The following ZNF131 variants were observed in gnomAD, a reference collection of about 807,000 sequenced individuals.
ZNF131 encodes zinc finger and BTB domain containing 35.
A neutral mutation model predicts 60.0 loss-of-function variants in ZNF131; 7 were observed. The observed-to-expected ratio is 0.12, with a 90% confidence interval of 0.07 to 0.22. The LOEUF (loss-of-function observed/expected upper bound fraction) is 0.22. ZNF131 is among the 10% of genes least tolerant of loss of function. The probability of loss-of-function intolerance (pLI) is 1.00; values close to 1 mark genes in which losing one functional copy is unlikely to be tolerated. For missense variants in ZNF131, 493 were observed against 740.9 expected, an observed-to-expected ratio of 0.67 and a Z score of 3.88; for synonymous variants, 257 against 253.2, an observed-to-expected ratio of 1.01 and a Z score of -0.14.
intron 4 of ZNF131, among the ~76,000 whole-genome samples, chr5:43,159,999 A>AC (rs1471009170): frequency 6.6e-6 from 1 of 151,884 alleles, no homozygotes; most frequent in Non-Finnish European, 1.5e-5. Context: ...ACACGGTGAA[A>AC]CCCCATCTCT....
At chr5:43,139,620 C>T (rs1746550399) in intron 4 of ZNF131, among the ~76,000 whole-genome samples, 2 of 152,014 alleles carry the variant, frequency 1.3e-5, no homozygotes, top group African/African-American at 4.8e-5. Flanking sequence ...TTGTTTATAC[C>T]AAGCCTTATC....
At chr5:43,149,341 G>A (rs1393236563) in intron 4 of ZNF131, among the ~76,000 whole-genome samples, 2 of 152,014 alleles carry the variant, frequency 1.3e-5, no homozygotes, top group African/African-American at 4.8e-5. Flanking sequence ...GATCAAAAAA[G>A]AAAGAAATTC....
chr5:43,148,906 TC>T (rs1161546653), intron 4 of ZNF131, among the ~76,000 whole-genome samples: 1 of 152,218 alleles, frequency 6.6e-6, no homozygotes, highest in Non-Finnish European at 1.5e-5. Flanking sequence ...CTCTCCCTAT[TC>T]CTATCTTCAT....
intron 3 of ZNF131, among the ~76,000 whole-genome samples, chr5:43,130,554 TTTTTAA>T (rs1391677610): frequency 3.9e-5 from 6 of 152,124 alleles, no homozygotes; most frequent in Non-Finnish European, 8.8e-5. Flanking sequence ...TTTACCACAT[TTTTTAA>T]TTTTAATTTT....
At chr5:43,174,229 AAAC>A (rs924224608) in intron 6 of ZNF131, among the ~76,000 whole-genome samples, 1 of 152,254 alleles carries the variant, frequency 6.6e-6, no homozygotes, top group African/African-American at 2.4e-5. Flanking sequence ...ACTTTGTTTC[AAAC>A]AAAAGAATGT....
chr5:43,169,117 C>T (rs1379754143), intron 5 of ZNF131, among the ~76,000 whole-genome samples: 2 of 152,180 alleles, frequency 1.3e-5, no homozygotes, highest in Admixed American at 6.5e-5. Context: ...GTCCAGAAAT[C>T]AGAATTTCAG....
chr5:43,123,447 G>A lies in ZNF131; in HGVS notation c.226+137G>A, dbSNP rs548225529. 375 of 620,356 alleles carry A rather than the reference G, an allele frequency of 6.0e-4. 1 individual carries two copies. The South Asian group carries it at 6.2e-3, about 10-fold the overall frequency. The allele number at this position is 620,356 out of a possible 1,614,324, so 38.4% of individuals were successfully genotyped here. On this transcript the variant is annotated intron_variant, in intron 3 of 6. Coordinates refer to ENST00000682664, the MANE Select transcript of ZNF131 (RefSeq NM_001330707.2). ...TTTATCAAGACACCATAGGAAATAG[G>A]CATCAGTAGTTCCTGTAGGTAAAGG...
chr5:43,148,218 A>G (rs1013059829), intron 4 of ZNF131, among the ~76,000 whole-genome samples: 6 of 152,098 alleles, frequency 3.9e-5, no homozygotes, highest in East Asian at 1.9e-4. Flanking sequence ...CAAAAAAAAA[A>G]AAAAATTTTA....
At chr5:43,155,535 T>C (rs535343318) in intron 4 of ZNF131, among the ~76,000 whole-genome samples, 1 of 152,328 alleles carries the variant, frequency 6.6e-6, no homozygotes, top group South Asian at 2.1e-4. Flanking sequence ...TCATTAGCGT[T>C]GTGGGGCCCT....
rs1746525915 is a variant in ZNF131, at chr5:43,139,406, G to A, written c.371+97G>A. ...AGTATGTGTCATGCCATGAAGAACA[G>A]AGTTCTTCAGAAGAATTAAGAATAT... is the stretch of plus-strand genomic sequence containing the variant. On this transcript the variant is annotated intron_variant, in intron 4 of 6. Coordinates refer to ENST00000682664, the MANE Select transcript of ZNF131 (RefSeq NM_001330707.2). The A allele has an allele frequency of 3.3e-6, 4 of 1,199,062 alleles. No homozygotes were observed. The South Asian group carries it at 1.2e-4, about 36-fold the overall frequency. The allele number at this position is 1,199,062 out of a possible 1,614,324, so 74.3% of individuals were successfully genotyped here. A position where few individuals can be genotyped will look rare whatever the true frequency, so the allele number is the denominator to read the frequency against.
At chr5:43,173,830 A>G (rs1055179682) in intron 6 of ZNF131, among the ~76,000 whole-genome samples, 48 of 152,166 alleles carry the variant, frequency 3.2e-4, no homozygotes, top group Admixed American at 2.2e-3. Flanking sequence ...AAATTACATT[A>G]TTTGGTAAAT....
intron 3 of ZNF131, among the ~76,000 whole-genome samples, chr5:43,135,674 T>C (rs146736553): frequency 0.013 from 1,942 of 151,944 alleles, 34 homozygotes; most frequent in South Asian, 0.073. Context: ...TGAGCATGGA[T>C]TGCACCACTG....
intron 6 of ZNF131, 103 bp from the exon 7 acceptor site, chr5:43,174,344 A>G (rs886394327): frequency 1.6e-5 from 17 of 1,053,040 alleles, no homozygotes; most frequent in Non-Finnish European, 2.1e-5. Flanking sequence ...TATAACATTT[A>G]CAGAATAAGC....
Position 43,161,715 on chromosome 5 carries a change from A to G in ZNF131, c.838A>G (p.Met280Val), listed in dbSNP as rs914166051. ...FKLFYHFKEH[M>V]KSHSTESFKC... ...ATTGTTTTACCATTTTAAGGAGCAC[A>G]TGAAATCACACTCCACTGAGAGTTT... is the stretch of plus-strand genomic sequence containing the variant. The change falls in exon 5 of 7, where the codon ATG becomes GTG. Residue 280 changes from methionine (M) to valine (V), a missense_variant. Around this residue, in one of 7 missense-constraint regions of ZNF131, gnomAD observed 26 missense variants for 63.3 expected, o/e 0.41. Coordinates refer to ENST00000682664, the MANE Select transcript of ZNF131 (RefSeq NM_001330707.2). 3.1e-6 allele frequency: 5 copies of G among 1,614,160 alleles called. No homozygotes were observed. The highest frequency in any genetic ancestry group is 1.3e-5 in the African/African-American group (1 of 74,952).
At chr5:43,149,592 T>C (rs1004862197) in intron 4 of ZNF131, among the ~76,000 whole-genome samples, 4 of 152,230 alleles carry the variant, frequency 2.6e-5, no homozygotes, top group Non-Finnish European at 5.9e-5. Flanking sequence ...AGTATATGTT[T>C]AATATTCTAA....
chr5:43,175,656 C>G lies in ZNF131; in HGVS notation c.*523C>G, dbSNP rs1333094201. 4.5e-6 allele frequency: 2 copies of G among 442,240 alleles called. No homozygotes were observed. The highest frequency in any genetic ancestry group is 3.4e-5 in the South Asian group (1 of 29,012). The allele number at this position is 442,240 out of a possible 1,614,324, so 27.4% of individuals were successfully genotyped here. A position where few individuals can be genotyped will look rare whatever the true frequency, so the allele number is the denominator to read the frequency against. On this transcript the variant is annotated 3_prime_UTR_variant, in exon 7 of 7. Coordinates refer to ENST00000682664, the MANE Select transcript of ZNF131 (RefSeq NM_001330707.2). ...GTTTGAACAAACGTTCTTGTCTACC[C>G]CAGTAGTCACAGATGCCATCTTTGC...
At chr5:43,165,564 A>C (rs1750244145) in intron 5 of ZNF131, among the ~76,000 whole-genome samples, 1 of 152,218 alleles carries the variant, frequency 6.6e-6, no homozygotes, top group Non-Finnish European at 1.5e-5. Flanking sequence ...TCTGAGCAGT[A>C]GGTTTCAACA....
At position 43,142,174 on chromosome 5, in the gene ZNF131, T is replaced by C. The variant is rs997613902; in HGVS notation, c.371+2865T>C. Reference sequence around the variant, plus strand: ...GGCCAAGACGGTGAAACCCCATCTCTACTAAAAATACAAAAAAAATTAGCC... The same window carrying C: ...GGCCAAGACGGTGAAACCCCATCTCCACTAAAAATACAAAAAAAATTAGCC... On this transcript the variant is annotated intron_variant, in intron 4 of 6. Transcript: ENST00000682664. Among the ~76,000 whole-genome samples, 62 of 151,392 alleles carry C rather than the reference T, an allele frequency of 4.1e-4. 1 individual carries two copies. The highest frequency in any genetic ancestry group is 3.7e-3 in the Admixed American group (56 of 15,216).
chr5:43,162,106 T>A (rs997645034), intron 5 of ZNF131, among the ~76,000 whole-genome samples, 175 bp downstream of exon 5: 1 of 152,246 alleles, frequency 6.6e-6, no homozygotes, highest in African/African-American at 2.4e-5. Flanking sequence ...GTGCTTTAAA[T>A]GCAAATCAGT....
Sources: allele counts gnomAD v4.1 joint callset (sites outside exome capture counted in the v4.1 genomes callset), GRCh38; gene constraint gnomAD v4.1.1; regional missense constraint gnomAD v4.1.1; transcripts MANE v1.5; gene names NCBI Gene and HGNC (gene_info 2026-07-23, HGNC 2026-07-21).